The following DMD variants were observed in gnomAD, a reference collection of about 807,000 sequenced individuals.
DMD encodes mutant dystrophin.
A neutral mutation model predicts 330.1 loss-of-function variants in DMD; 63 were observed. The ratio of observed to expected loss-of-function variants is 0.19; its 90% CI spans 0.16 to 0.24. The LOEUF is 0.24. DMD is among the 10% of genes least tolerant of loss of function. The probability of loss-of-function intolerance (pLI) is 1.00; values close to 1 mark genes in which losing one functional copy is unlikely to be tolerated. For synonymous variants in DMD, 1,223 were observed against 959.8 expected, an observed-to-expected ratio of 1.27 and a Z score of -5.07; for missense variants, 3,344 against 2,684.1, an observed-to-expected ratio of 1.25 and a Z score of -5.43.
chrX:32,439,559 T>C (rs1179180402), intron 28 of DMD, among the ~76,000 whole-genome samples: 1 of 111,462 alleles, frequency 9.0e-6, no homozygotes, highest in Non-Finnish European at 1.9e-5. Context: ...TATACCTTGT[T>C]AAATTTTTTT....
chrX:31,513,758 C>T (rs1352398317), intron 55 of DMD, among the ~76,000 whole-genome samples: 1 of 111,421 alleles, frequency 9.0e-6, no homozygotes, highest in Non-Finnish European at 1.9e-5. Flanking sequence ...CATACATGAA[C>T]CTTACTGTAC....
rs754550286 is a variant in DMD at position 32,111,581 on chromosome X, A to G, written c.6438+105335T>C. On this transcript the variant is annotated intron_variant, in intron 44 of 78. Transcript: ENST00000357033. Reference sequence around the variant, plus strand: ...ACCAGGTTCCCTTTAATCAAACTTCAGTTATCTGTATCTATATTCTCCTTA... The same window carrying G: ...ACCAGGTTCCCTTTAATCAAACTTCGGTTATCTGTATCTATATTCTCCTTA... Among the ~76,000 whole-genome samples the G allele has an allele frequency of 1.4e-4, 16 of 111,762 alleles. No individual in the cohort carries two copies. The South Asian group carries it at 6.0e-3, about 42-fold the overall frequency.
At chrX:31,632,286 A>G (rs967420784) in intron 54 of DMD, among the ~76,000 whole-genome samples, 3 of 111,778 alleles carry the variant, frequency 2.7e-5, no homozygotes, top group African/African-American at 9.8e-5. Context: ...TATTGTATAC[A>G]CACCATTCTA....
intron 17 of DMD, among the ~76,000 whole-genome samples, chrX:32,519,682 A>C (rs889936153): frequency 1.2e-4 from 13 of 111,912 alleles, no homozygotes; most frequent in Non-Finnish European, 2.4e-4. Flanking sequence ...TTTTCACATA[A>C]ACTATCATTA....
chrX:32,593,392 G>A (rs145133095), intron 13 of DMD, among the ~76,000 whole-genome samples: 1,285 of 112,056 alleles, frequency 0.011, 6 homozygotes, highest in Middle Eastern at 0.033. Context: ...TTTAACATTT[G>A]CTCATTTTTA....
intron 50 of DMD, among the ~76,000 whole-genome samples, chrX:31,778,565 ATT>A (rs36164865): frequency 7.9e-5 from 5 of 63,038 alleles, no homozygotes; most frequent in Admixed American, 6.7e-4. Flanking sequence ...AAGTCCTGAA[ATT>A]TTTTTTTTTT....
chrX:31,862,175 C>T (rs2093718531), intron 48 of DMD, among the ~76,000 whole-genome samples: 1 of 110,663 alleles, frequency 9.0e-6, no homozygotes, highest in Admixed American at 9.6e-5. Flanking sequence ...GCTCTGTCAC[C>T]CAGGCTAGAG....
chrX:33,331,523 C>T (rs2054177044), intron 1 of DMD, among the ~76,000 whole-genome samples: 1 of 111,813 alleles, frequency 8.9e-6, no homozygotes, highest in South Asian at 3.7e-4. Flanking sequence ...TCAGTTGTAA[C>T]AATGTCATGA....
chrX:31,386,383 A>AT (rs1172454700), intron 60 of DMD, among the ~76,000 whole-genome samples: 1 of 109,626 alleles, frequency 9.1e-6, no homozygotes, highest in Non-Finnish European at 1.9e-5. Context: ...AGTAATAATA[A>AT]AAAAAAAAGA....
intron 33 of DMD, among the ~76,000 whole-genome samples, chrX:32,383,044 T>A (rs1303925479): frequency 9.0e-6 from 1 of 111,059 alleles, no homozygotes; most frequent in Non-Finnish European, 1.9e-5. Flanking sequence ...TAAATTTCCA[T>A]AAAAATCAGA....
chrX:31,187,485 G>A (rs745687011), intron 67 of DMD, among the ~76,000 whole-genome samples: 19 of 111,591 alleles, frequency 1.7e-4, no homozygotes, highest in African/African-American at 5.5e-4. Context: ...GTTCTGTACC[G>A]TAGGCTCACA....
Position 31,610,789 on chromosome X carries a change from G to A in DMD, c.8217+16884C>T, listed in dbSNP as rs185807176. On this transcript the variant is annotated intron_variant, in intron 55 of 78. Transcript: ENST00000357033. ...AGGCTAAGATATAATTTAATGTCATGAGTCATTAGAGTGTAACATTGTACT... is the reference window on the plus strand; with the variant it reads ...AGGCTAAGATATAATTTAATGTCATAAGTCATTAGAGTGTAACATTGTACT... 1.5e-3 allele frequency among the ~76,000 whole-genome samples: 170 copies of A among 111,552 alleles called. No individual in the cohort carries two copies. The Middle Eastern group carries it at 0.019, about 12-fold the overall frequency.
intron 60 of DMD, among the ~76,000 whole-genome samples, chrX:31,379,177 C>G (rs2060032896): frequency 9.1e-6 from 1 of 109,891 alleles, no homozygotes; most frequent in South Asian, 4.0e-4. Flanking sequence ...TGACCTCTCC[C>G]CTCCTCGCCA....
At chrX:32,639,030 T>C (rs963831730) in intron 11 of DMD, among the ~76,000 whole-genome samples, 1 of 111,836 alleles carries the variant, frequency 8.9e-6, no homozygotes, top group African/African-American at 3.2e-5. Context: ...CTCCTCCTGC[T>C]GATATAAACC....
At chrX:31,734,227 T>TA (rs919672937) in intron 51 of DMD, among the ~76,000 whole-genome samples, 74 of 99,964 alleles carry the variant, frequency 7.4e-4, no homozygotes, top group African/African-American at 3.4e-3. Context: ...TATATATATA[T>TA]TTTTTTTCTG....
chrX:33,020,039 T>C (rs1237986454), intron 2 of DMD, 100 bp downstream of exon 2: 7 of 602,412 alleles, frequency 1.2e-5, no homozygotes, highest in African/African-American at 4.6e-5. Context: ...AATGACACTA[T>C]GAGAGAAATA....
chrX:31,744,930 T>G (rs2087698899), intron 51 of DMD, among the ~76,000 whole-genome samples: 1 of 112,221 alleles, frequency 8.9e-6, no homozygotes, highest in Non-Finnish European at 1.9e-5. Context: ...TGATGAACTT[T>G]CAATGCAGTT....
intron 54 of DMD, among the ~76,000 whole-genome samples, chrX:31,640,928 G>T (rs774684167): frequency 9.0e-4 from 101 of 112,082 alleles, no homozygotes; most frequent in Non-Finnish European, 1.7e-3. Flanking sequence ...GTGTCCTTAT[G>T]CGCTGTCTTC....
intron 2 of DMD, among the ~76,000 whole-genome samples, chrX:32,902,973 A>G (rs1041592174): frequency 6.5e-5 from 7 of 107,922 alleles, no homozygotes; most frequent in African/African-American, 2.4e-4. Flanking sequence ...CCTGGCCAAC[A>G]TGATGAAACC....
Sources: allele counts gnomAD v4.1 joint callset (sites outside exome capture counted in the v4.1 genomes callset), GRCh38; gene constraint gnomAD v4.1.1; transcripts MANE v1.5; gene names NCBI Gene and HGNC (gene_info 2026-07-23, HGNC 2026-07-21).